Variants in TYW1B observed in about 807,000 individuals in gnomAD.
TYW1B encodes the protein tRNA-yW synthesizing protein 1 homolog B, also known as S-adenosyl-L-methionine-dependent tRNA 4-demethylwyosine synthase TYW1B.
A neutral mutation model predicts 86.9 loss-of-function variants in TYW1B; 73 were observed. The observed-to-expected ratio is 0.84, with a 90% CI of 0.70 to 1.02. The LOEUF is 1.02. Ranked by LOEUF, TYW1B falls within the 50% of genes least tolerant of loss-of-function variation. The probability of loss-of-function intolerance (pLI) is 0.00; values close to 1 mark genes in which losing one functional copy is unlikely to be tolerated. For missense variants in TYW1B, 637 were observed against 827.4 expected, an observed-to-expected ratio of 0.77 and a Z score of 2.82; for synonymous variants, 248 against 292.8, an observed-to-expected ratio of 0.85 and a Z score of 1.56.
At chr7:72,743,763 G>C (rs2129571343) in intron 8 of TYW1B, among the ~76,000 whole-genome samples, 1 of 151,032 alleles carries the variant, frequency 6.6e-6, no homozygotes, top group East Asian at 2.0e-4. Context: ...AGAATCACTT[G>C]AACCTGGGAG....
chr7:72,597,702 T>A (rs1187720692), intron 13 of TYW1B, among the ~76,000 whole-genome samples: 5 of 152,182 alleles, frequency 3.3e-5, no homozygotes, highest in Admixed American at 3.3e-4. Flanking sequence ...ATAGAGAAAA[T>A]CATAAGTAAC....
At chr7:72,748,001 T>A (rs1327375777) in intron 7 of TYW1B, among the ~76,000 whole-genome samples, 1 of 152,184 alleles carries the variant, frequency 6.6e-6, no homozygotes, top group African/African-American at 2.4e-5. Context: ...CCGGGCACAG[T>A]GGCTCACGCC....
chr7:72,699,930 G>A (rs1355904312), intron 10 of TYW1B, among the ~76,000 whole-genome samples: 9 of 152,098 alleles, frequency 5.9e-5, no homozygotes, highest in South Asian at 2.1e-4. Context: ...GATTACAGGC[G>A]TGAGCCACTG....
At chr7:72,812,893 C>T (rs1410370412) in intron 3 of TYW1B, among the ~76,000 whole-genome samples, 5 of 152,022 alleles carry the variant, frequency 3.3e-5, no homozygotes, top group Non-Finnish European at 5.9e-5. Context: ...GGTTTCACCA[C>T]ATTGCCCAGG....
chr7:72,736,919 A>G (rs569938738), intron 8 of TYW1B, among the ~76,000 whole-genome samples: 37 of 152,212 alleles, frequency 2.4e-4, no homozygotes, highest in Admixed American at 3.9e-4. Context: ...GATATTATGA[A>G]TATCTTTTTG....
In TYW1B at chr7:72,807,346, T is replaced by G. The variant is rs1404128571; in HGVS notation, c.443A>C (p.Asn148Thr). ...AAGCATCCAGAGCCACTTGTCAACA[T>G]TTTTGCCAACCTGCGAGGAAAAGAT... The part of the protein sequence containing the change: ...YASHFNKVGK[N>T]VDKWLWMLGV... Residue 148 changes from asparagine to threonine, a missense_variant, in exon 5 of 14, where the codon AAT becomes ACT. Physicochemically the swap from Asn to Thr is moderately conservative, Grantham distance 65. Transcript: ENST00000620995. 6.2e-7 allele frequency: 1 copy of G among 1,610,890 alleles called. No individual in the cohort carries two copies. The highest frequency in any genetic ancestry group is 1.3e-5 in the African/African-American group (1 of 74,856).
intron 11 of TYW1B, among the ~76,000 whole-genome samples, chr7:72,658,931 G>C (rs1407670506): frequency 6.6e-6 from 1 of 152,138 alleles, no homozygotes. Context: ...ATGTTGGCCA[G>C]GCTGGTCTTG....
intron 10 of TYW1B, among the ~76,000 whole-genome samples, chr7:72,707,139 C>T (rs534226351): frequency 7.9e-5 from 12 of 152,192 alleles, no homozygotes; most frequent in Non-Finnish European, 7.3e-5. Flanking sequence ...GATCTGAGTG[C>T]CTTCTCATTG....
chr7:72,610,444 G>C (rs576569072), intron 13 of TYW1B, among the ~76,000 whole-genome samples: 315 of 151,924 alleles, frequency 2.1e-3, no homozygotes, highest in African/African-American at 7.3e-3. Context: ...TCATTTCCCA[G>C]GTTAGAGGCC....
intron 11 of TYW1B, among the ~76,000 whole-genome samples, chr7:72,630,747 G>GA (rs1554439705): frequency 6.6e-6 from 1 of 152,120 alleles, no homozygotes; most frequent in African/African-American, 2.4e-5. Context: ...ATCATGCAAG[G>GA]AAAGACAGAA....
chr7:72,700,449 G>A (rs1554452305), intron 10 of TYW1B, among the ~76,000 whole-genome samples: 5 of 151,892 alleles, frequency 3.3e-5, no homozygotes, highest in South Asian at 2.1e-4. Context: ...CTGGGATTAC[G>A]GGTGTAAGCC....
At chr7:72,646,115 T>C (rs1554442045) in intron 11 of TYW1B, among the ~76,000 whole-genome samples, 2 of 150,750 alleles carry the variant, frequency 1.3e-5, no homozygotes, top group African/African-American at 4.9e-5. Flanking sequence ...GGCACAATCA[T>C]AGCTCACTGT....
chr7:72,788,309 G>C (rs1188478903), intron 6 of TYW1B, among the ~76,000 whole-genome samples: 3 of 151,934 alleles, frequency 2.0e-5, no homozygotes, highest in African/African-American at 7.3e-5. Flanking sequence ...TCCTCTTCCC[G>C]GGCTTCAAAA....
Position 72,789,873 on chromosome 7 carries a change from C to A in TYW1B, c.847-12340G>T, listed in dbSNP as rs189077542. On this transcript the variant is annotated intron_variant, in intron 6 of 13. Transcript: ENST00000620995. Reference sequence around the variant, plus strand: ...GTACAATAAAGAATAAGATGTCTAGCCTTTGTCCCCAGCTCCTGGAAAATT... The same window carrying A: ...GTACAATAAAGAATAAGATGTCTAGACTTTGTCCCCAGCTCCTGGAAAATT... Among the ~76,000 whole-genome samples the A allele has an allele frequency of 2.7e-4, 41 of 151,200 alleles. 1 individual carries two copies. The highest frequency in any genetic ancestry group is 1.9e-3 in the Admixed American group (29 of 15,132).
At chr7:72,602,874 A>G (rs1370401587) in intron 13 of TYW1B, among the ~76,000 whole-genome samples, 3 of 150,908 alleles carry the variant, frequency 2.0e-5, no homozygotes, top group Non-Finnish European at 4.4e-5. Context: ...ACACACACAC[A>G]CACACACACA....
At chr7:72,588,524 T>G (rs1473391168) in intron 13 of TYW1B, among the ~76,000 whole-genome samples, 1 of 152,138 alleles carries the variant, frequency 6.6e-6, no homozygotes, top group African/African-American at 2.4e-5. Flanking sequence ...CTTCTTCCCC[T>G]CCCTTCACAG....
At chr7:72,788,946 T>A (rs1368824620) in intron 6 of TYW1B, among the ~76,000 whole-genome samples, 2 of 152,016 alleles carry the variant, frequency 1.3e-5, no homozygotes, top group East Asian at 1.9e-4. Context: ...TCCTCCCACC[T>A]CAGCCTCCCA....
At chr7:72,652,301 C>A (rs1212676848) in intron 11 of TYW1B, among the ~76,000 whole-genome samples, 3 of 143,348 alleles carry the variant, frequency 2.1e-5, no homozygotes, top group African/African-American at 7.6e-5. Context: ...TGGCATGAAC[C>A]CGGGAGGCAC....
intron 11 of TYW1B, among the ~76,000 whole-genome samples, chr7:72,692,205 CAAAAAAAAAA>C (rs1168197742): frequency 4.8e-5 from 3 of 62,810 alleles, no homozygotes; most frequent in African/African-American, 1.9e-4. Flanking sequence ...GACTCCATCT[CAAAAAAAAAA>C]AAAAAAAAAA....
Sources: gnomAD v4.1 joint callset for allele counts (sites outside exome capture counted in the v4.1 genomes callset) on GRCh38, gnomAD v4.1.1 for gene constraint, MANE v1.5 for transcripts, NCBI Gene and HGNC (gene_info 2026-07-23, HGNC 2026-07-21) for gene names.